Variants in PDE8B observed in about 807,000 individuals in gnomAD.
PDE8B encodes the protein phosphodiesterase 8B, also known as high affinity cAMP-specific and IBMX-insensitive 3',5'-cyclic phosphodiesterase 8B.
Under a neutral mutation model 101.3 loss-of-function variants are expected in PDE8B, and 26 were observed. That is an observed-to-expected ratio of 0.26 (90% CI 0.19 to 0.36). The LOEUF (loss-of-function observed/expected upper bound fraction) is 0.36. Ranked by LOEUF, PDE8B falls within the 10% of genes least tolerant of loss-of-function variation. The probability of loss-of-function intolerance (pLI) is 1.00; values close to 1 mark genes in which losing one functional copy is unlikely to be tolerated. For missense variants in PDE8B, 810 were observed against 1,163.1 expected (o/e 0.70, Z 4.42); for synonymous variants, 424 against 429.3 (o/e 0.99, Z 0.15).
At chr5:77,329,374 T>G (rs1776676762) in intron 4 of PDE8B, among the ~76,000 whole-genome samples, 1 of 152,244 alleles carries the variant, frequency 6.6e-6, no homozygotes, top group African/African-American at 2.4e-5. Flanking sequence ...TGTTCCAGTT[T>G]ATCTCTTTTT....
intron 1 of PDE8B, among the ~76,000 whole-genome samples, chr5:77,311,136 C>CTG: frequency 7.2e-6 from 1 of 139,116 alleles, no homozygotes; most frequent in Non-Finnish European, 1.6e-5. Context: ...TGACAAATGA[C>CTG]CACAGTCTCT....
At chr5:77,121,927 C>G in the PDE8B span, among the ~76,000 whole-genome samples, 1 of 152,204 alleles carries the variant, frequency 6.6e-6, no homozygotes, top group Non-Finnish European at 1.5e-5. Flanking sequence ...GCATTAAGTC[C>G]AGTCTGCCCA....
intron 10 of PDE8B, among the ~76,000 whole-genome samples, chr5:77,356,833 C>A (rs967572918): frequency 6.6e-6 from 1 of 152,136 alleles, no homozygotes; most frequent in Non-Finnish European, 1.5e-5. Context: ...TTGGACAGAC[C>A]TGGTCTGGAC....
chr5:77,131,861 A>G, the PDE8B span, among the ~76,000 whole-genome samples: 1 of 152,334 alleles, frequency 6.6e-6, no homozygotes, highest in South Asian at 2.1e-4. Context: ...AAAGGGGTCC[A>G]TTCAACAAAC....
chr5:77,406,647 G>A (rs1406464644), intron 12 of PDE8B, among the ~76,000 whole-genome samples: 1 of 152,208 alleles, frequency 6.6e-6, no homozygotes, highest in Non-Finnish European at 1.5e-5. Flanking sequence ...TGTGGGGTGG[G>A]TTCAGTGATC....
chr5:77,317,779 G>A (rs1427944102), intron 2 of PDE8B, among the ~76,000 whole-genome samples: 2 of 151,960 alleles, frequency 1.3e-5, no homozygotes, highest in Non-Finnish European at 2.9e-5. Flanking sequence ...CGTCATGCTG[G>A]GCTTTCCAAC....
chr5:77,094,584 G>A, the PDE8B span, among the ~76,000 whole-genome samples: 2 of 152,130 alleles, frequency 1.3e-5, no homozygotes, highest in Admixed American at 6.5e-5. Context: ...GGGATTATAA[G>A]CATGAGCCAC....
chr5:77,375,889 C>CTTTTTTTTTTT lies in PDE8B; in HGVS notation c.1167+22493_1167+22503dup, dbSNP rs70988668. Among the ~76,000 whole-genome samples, 43 of 108,316 alleles carry CTTTTTTTTTTT rather than the reference C, an allele frequency of 4.0e-4. 1 individual carries two copies. The highest frequency in any genetic ancestry group is 5.3e-4 in the Non-Finnish European group (30 of 56,404). The allele number at this position is 108,316 out of a possible 152,430, so 71.1% of individuals were successfully genotyped here. On this transcript the variant is annotated intron_variant, in intron 10 of 21. Transcript: ENST00000264917. ...TAATACTCACTTTGTGCCTTGATTTCTTTTTTTTTTTTTTTTTTTTGAGGC... is the reference window on the plus strand; with the variant it reads ...TAATACTCACTTTGTGCCTTGATTTCTTTTTTTTTTTTTTTTTTTTTTTTTTTTTTTGAGGC...
chr5:77,400,352 C>T (rs914769266), intron 11 of PDE8B, 62 bp downstream of exon 11: 1 of 1,056,694 alleles, frequency 9.5e-7, no homozygotes, highest in Non-Finnish European at 1.5e-6. Context: ...CAAATGTATA[C>T]ATTTCTCTGA....
the PDE8B span, among the ~76,000 whole-genome samples, chr5:77,160,677 T>C: frequency 6.6e-6 from 1 of 152,280 alleles, no homozygotes; most frequent in South Asian, 2.1e-4. Flanking sequence ...TTTGAGACAG[T>C]GTCTTGCTCT....
At chr5:77,348,212 G>C (rs990920253) in intron 7 of PDE8B, among the ~76,000 whole-genome samples, 2 of 152,134 alleles carry the variant, frequency 1.3e-5, no homozygotes, top group Non-Finnish European at 1.5e-5. Context: ...CAGTTGGTTC[G>C]AACATCTCCG....
chr5:77,325,761 T>TTA, intron 3 of PDE8B, 32 bp downstream of exon 3: 1 of 1,455,450 alleles, frequency 6.9e-7, no homozygotes, highest in Non-Finnish European at 9.7e-7. Context: ...GCTTAGTAAA[T>TTA]GTTCACTTTA....
intron 1 of PDE8B, among the ~76,000 whole-genome samples, chr5:77,282,178 C>T (rs1765141802): frequency 6.6e-6 from 1 of 151,998 alleles, no homozygotes; most frequent in South Asian, 2.1e-4. Context: ...ACGTCTCTTC[C>T]CCACAGGGAG....
the PDE8B span, among the ~76,000 whole-genome samples, chr5:77,173,729 C>G: frequency 6.6e-6 from 1 of 151,596 alleles, no homozygotes; most frequent in African/African-American, 2.4e-5. Flanking sequence ...AATTTACTCC[C>G]TTTCTCCCCC....
chr5:77,363,249 G>A (rs1009414536), intron 10 of PDE8B, among the ~76,000 whole-genome samples: 13 of 152,158 alleles, frequency 8.5e-5, no homozygotes, highest in East Asian at 3.9e-4. Context: ...CATGGGATGC[G>A]TGTGGCAGAA....
Position 77,413,243 on chromosome 5 carries a change from C to T in PDE8B, c.1845C>T (p.His615=), listed in dbSNP as rs1223184847. The change falls in exon 17 of 22, where the codon CAC becomes CAT. Residue 615 remains histidine (H), a synonymous_variant. Coordinates refer to ENST00000264917, the MANE Select transcript of PDE8B (RefSeq NM_003719.5). ...ACTACCACTCTTCCAATGCCTACCACAACTCCACCCATGCTGCCGACGTCC... is the reference window on the plus strand; with the variant it reads ...ACTACCACTCTTCCAATGCCTACCATAACTCCACCCATGCTGCCGACGTCC... The part of the protein sequence containing the change: ...EANYHSSNAY[H]NSTHAADVLH... 1.2e-6 allele frequency: 2 copies of T among 1,614,028 alleles called. No homozygotes were observed. Among genetic ancestry groups the T allele is most frequent in the African/African-American group, 2.7e-5 (2 of 74,926 alleles).
chr5:77,311,544 T>C (rs1015429304), intron 1 of PDE8B, among the ~76,000 whole-genome samples: 21 of 152,344 alleles, frequency 1.4e-4, no homozygotes, highest in African/African-American at 4.8e-4. Context: ...TCTTAAACCA[T>C]ACATGTGATT....
At chr5:77,121,664 C>T in the PDE8B span, among the ~76,000 whole-genome samples, 21 of 152,154 alleles carry the variant, frequency 1.4e-4, no homozygotes, top group Middle Eastern at 3.4e-3. Context: ...TGCGCCACCA[C>T]GCCCAGCTAA....
At chr5:77,288,858 T>A (rs1476425218) in intron 1 of PDE8B, among the ~76,000 whole-genome samples, 1 of 151,004 alleles carries the variant, frequency 6.6e-6, no homozygotes. Context: ...TTTTTTTTTT[T>A]TTATTGTTAC....
Sources: allele counts gnomAD v4.1 joint callset (sites outside exome capture counted in the v4.1 genomes callset), GRCh38; gene constraint gnomAD v4.1.1; transcripts MANE v1.5; gene names NCBI Gene and HGNC (gene_info 2026-07-23, HGNC 2026-07-21).